ZNF177: variants seen among roughly 807,000 people sequenced by gnomAD.
ZNF177 encodes zinc finger protein 177.
Under a neutral mutation model 19.4 loss-of-function variants are expected in ZNF177, and 17 were observed. That is an observed-to-expected ratio of 0.87 (90% CI 0.60 to 1.31). ZNF177 has a LOEUF of 1.31. ZNF177 is among the 40% of genes most tolerant of loss of function. The pLI is 0.00. For missense variants in ZNF177, 633 were observed against 561.8 expected, an observed-to-expected ratio of 1.13 and a Z score of -1.28; for synonymous variants, 220 against 188.7, an observed-to-expected ratio of 1.17 and a Z score of -1.36.
chr19:9,381,663 A>C (rs1568385993), exon 6 of ZNF177: 3 of 1,614,114 alleles, frequency 1.9e-6, no homozygotes, highest in Non-Finnish European at 2.5e-6. Context: ...TACACGTGAG[A>C]ACTCACACTG....
intron 3 of ZNF177, 99 bp from the exon 6 acceptor site, chr19:9,379,428 T>G (rs2068157559): frequency 7.0e-7 from 1 of 1,433,262 alleles, no homozygotes; most frequent in Non-Finnish European, 9.3e-7. Flanking sequence ...CTTGACTATT[T>G]TAATAATCCT....
At chr19:9,380,996 G>C in exon 6 of ZNF177, 1 of 1,566,986 alleles carries the variant, frequency 6.4e-7, no homozygotes, top group Non-Finnish European at 8.6e-7. Flanking sequence ...TGCTCAGTAC[G>C]TGAGCAAATA....
chr19:9,376,968 C>G, intron 1 of ZNF177, among the ~76,000 whole-genome samples: 1 of 151,956 alleles, frequency 6.6e-6, no homozygotes, highest in South Asian at 2.1e-4. Flanking sequence ...CTGATGAAGC[C>G]CCTCATCTTT....
chr19:9,380,675 A>G, exon 6 of ZNF177: 1 of 1,535,664 alleles, frequency 6.5e-7, no homozygotes, highest in Non-Finnish European at 8.7e-7. Context: ...CAGGCAGAAA[A>G]TCAACCTGGT....
intron 2 of ZNF177, 130 bp downstream of exon 4, chr19:9,378,474 T>G: frequency 7.1e-7 from 1 of 1,403,892 alleles, no homozygotes; most frequent in Non-Finnish European, 9.6e-7. Context: ...CCAGGCTGCT[T>G]CATGTGGAAG....
intron 2 of ZNF177, among the ~76,000 whole-genome samples, chr19:9,369,213 CAT>C (rs2068017539): frequency 1.3e-5 from 2 of 151,930 alleles, no homozygotes; most frequent in Admixed American, 1.3e-4. Flanking sequence ...TCCTTTTTTT[CAT>C]ATGATCTTTC....
upstream of ZNF177, among the ~76,000 whole-genome samples, chr19:9,374,672 T>C (rs1295457213): frequency 6.7e-6 from 1 of 149,002 alleles, no homozygotes; most frequent in East Asian, 1.9e-4. Context: ...TTAGATAGTT[T>C]GTTAGAAATA....
intron 2 of ZNF177, among the ~76,000 whole-genome samples, chr19:9,366,334 C>T (rs2122484958): frequency 6.6e-6 from 1 of 152,212 alleles, no homozygotes; most frequent in East Asian, 1.9e-4. Context: ...GGCTGGAGTG[C>T]CGTGGTGCCC....
intron 2 of ZNF177, among the ~76,000 whole-genome samples, chr19:9,370,153 C>T (rs745769621): frequency 2.6e-5 from 4 of 152,042 alleles, no homozygotes; most frequent in Admixed American, 6.6e-5. Flanking sequence ...AGCTTTTAAT[C>T]ATGAAAATTT....
chr19:9,368,640 A>AT (rs1555735600), intron 2 of ZNF177, among the ~76,000 whole-genome samples: 6 of 152,004 alleles, frequency 3.9e-5, no homozygotes, highest in Middle Eastern at 6.3e-3. Flanking sequence ...TATAAAGCTT[A>AT]TTTTTTTCCT....
chr19:9,366,354 C>T (rs899245698), intron 2 of ZNF177, among the ~76,000 whole-genome samples: 1 of 152,032 alleles, frequency 6.6e-6, no homozygotes, highest in Non-Finnish European at 1.5e-5. Context: ...CTCGACCTCC[C>T]TAGCTCGGCC....
At chr19:9,372,264 G>C (rs566735058), upstream of ZNF177, among the ~76,000 whole-genome samples, 3 of 152,168 alleles carry the variant, frequency 2.0e-5, no homozygotes, top group Non-Finnish European at 4.4e-5. Flanking sequence ...AATTTGGACT[G>C]AAATCTAAAA....
At chr19:9,366,743 G>A (rs62104847) in intron 2 of ZNF177, among the ~76,000 whole-genome samples, 58,218 of 152,038 alleles carry the variant, frequency 0.38, 12,937 homozygotes, top group Non-Finnish European at 0.5. Context: ...GAACTTTTAT[G>A]TTTAATCTTC....
At chr19:9,370,750 A>C (rs2068037679) in intron 2 of ZNF177, among the ~76,000 whole-genome samples, 1 of 152,144 alleles carries the variant, frequency 6.6e-6, no homozygotes, top group Admixed American at 6.5e-5. Flanking sequence ...TTGTTTAAGG[A>C]ATAATGACAA....
chr19:9,367,715 C>A (rs1028035108), intron 2 of ZNF177, among the ~76,000 whole-genome samples: 1 of 152,140 alleles, frequency 6.6e-6, no homozygotes, highest in Non-Finnish European at 1.5e-5. Flanking sequence ...TCACGGTAAT[C>A]CCTTTGATAA....
chr19:9,379,276 T>C (rs1000316701), intron 3 of ZNF177, 188 bp downstream of exon 5: 33 of 1,152,444 alleles, frequency 2.9e-5, no homozygotes, highest in East Asian at 2.4e-4. Flanking sequence ...CTATCACTAA[T>C]AGCTTAAGGT....
At chr19:9,379,391 G>C in intron 3 of ZNF177, 136 bp from the exon 6 acceptor site, 4 of 1,278,540 alleles carry the variant, frequency 3.1e-6, no homozygotes, top group Non-Finnish European at 3.2e-6. Context: ...GCTCGGCTCT[G>C]ATTGTTTTGT....
chr19:9,378,918 A>G (rs371581732), intron 2 of ZNF177, 44 bp from the exon 5 acceptor site: 72 of 1,552,326 alleles, frequency 4.6e-5, no homozygotes, highest in African/African-American at 6.8e-5. Context: ...TACATTGTCA[A>G]AAATGGTCAT....
At chr19:9,364,338 G>C (rs1381164660) in intron 1 of ZNF177, among the ~76,000 whole-genome samples, 1 of 152,192 alleles carries the variant, frequency 6.6e-6, no homozygotes, top group East Asian at 1.9e-4. Flanking sequence ...CTGGAGGACT[G>C]ATGAAGTTTG....
Sources: gnomAD v4.1 joint callset for allele counts (sites outside exome capture counted in the v4.1 genomes callset) on GRCh38, gnomAD v4.1.1 for gene constraint, MANE v1.5 for transcripts, NCBI Gene and HGNC (gene_info 2026-07-23, HGNC 2026-07-21) for gene names.